MSRA: variants seen among roughly 807,000 people sequenced by gnomAD.
MSRA encodes the protein mitochondrial peptide methionine sulfoxide reductase.
In MSRA, 54 loss-of-function variants were observed where a neutral mutation model predicts 31.3. That is an observed-to-expected ratio of 1.73 (90% CI 1.39 to 2.17). The LOEUF (loss-of-function observed/expected upper bound fraction) is 2.17, where lower values mean the gene tolerates loss of function less well. MSRA is among the 30% of genes most tolerant of loss of function. MSRA has a pLI of 0.00. For synonymous variants in MSRA, 169 were observed against 116.5 expected (o/e 1.45, Z -2.90); for missense variants, 507 against 300.9 (o/e 1.69, Z -5.07).
chr8:10,369,362 C>A (rs955488946), intron 5 of MSRA, among the ~76,000 whole-genome samples: 3 of 152,074 alleles, frequency 2.0e-5, no homozygotes, highest in Non-Finnish European at 4.4e-5. Flanking sequence ...ACTACTGCCC[C>A]CCTAATGGTT....
intron 1 of MSRA, among the ~76,000 whole-genome samples, chr8:10,101,525 T>C (rs1799528455): frequency 6.6e-6 from 1 of 152,158 alleles, no homozygotes; most frequent in Non-Finnish European, 1.5e-5. Flanking sequence ...ACAATAACTT[T>C]CTATTCTTCC....
chr8:10,323,381 C>G (rs1294250486), intron 5 of MSRA, among the ~76,000 whole-genome samples: 1 of 152,104 alleles, frequency 6.6e-6, no homozygotes, highest in African/African-American at 2.4e-5. Flanking sequence ...TAATACCAAG[C>G]GACTCTGGAA....
At chr8:10,188,420 T>G (rs1418125165) in intron 1 of MSRA, among the ~76,000 whole-genome samples, 1 of 152,188 alleles carries the variant, frequency 6.6e-6, no homozygotes, top group African/African-American at 2.4e-5. Context: ...GATGTCAAAA[T>G]AGCAACAAAA....
intron 1 of MSRA, among the ~76,000 whole-genome samples, chr8:10,124,250 G>T (rs1801334148): frequency 6.6e-6 from 1 of 152,232 alleles, no homozygotes; most frequent in South Asian, 2.1e-4. Context: ...CAAAGCCATT[G>T]ATAAATATGG....
intron 1 of MSRA, among the ~76,000 whole-genome samples, chr8:10,136,829 T>A (rs1423305388): frequency 6.6e-6 from 1 of 152,142 alleles, no homozygotes. Flanking sequence ...TCCTTCCCCA[T>A]TCTTGGTGTG....
At chr8:10,179,913 A>T (rs1806387886) in intron 1 of MSRA, among the ~76,000 whole-genome samples, 1 of 152,198 alleles carries the variant, frequency 6.6e-6, no homozygotes, top group Admixed American at 6.5e-5. Context: ...TAAGTGGGAA[A>T]ACTGTTTCCT....
chr8:10,207,681 A>G, intron 1 of MSRA, 152 bp from the exon 2 acceptor site: 1 of 624,872 alleles, frequency 1.6e-6, no homozygotes, highest in Non-Finnish European at 2.6e-6. Context: ...ATGGAGATGA[A>G]AAACAAAATA....
At chr8:10,198,020 G>A (rs746301446) in intron 1 of MSRA, among the ~76,000 whole-genome samples, 1 of 152,200 alleles carries the variant, frequency 6.6e-6, no homozygotes, top group Non-Finnish European at 1.5e-5. Flanking sequence ...AAAGAAAACA[G>A]AGGAGTGGGA....
chr8:10,392,894 A>AG (rs1228673001), intron 5 of MSRA, among the ~76,000 whole-genome samples: 3 of 75,150 alleles, frequency 4.0e-5, no homozygotes, highest in Non-Finnish European at 1.1e-4. Context: ...AAAATGCAAA[A>AG]AAAAAAAAAA....
intron 5 of MSRA, among the ~76,000 whole-genome samples, chr8:10,427,011 C>T (rs930532988): frequency 1.1e-5 from 1 of 88,866 alleles, no homozygotes; most frequent in African/African-American, 4.3e-5. Context: ...AACAGAGATG[C>T]AGGAAATAAG....
chr8:10,174,933 A>C (rs971144360), intron 1 of MSRA, among the ~76,000 whole-genome samples: 5 of 152,088 alleles, frequency 3.3e-5, no homozygotes, highest in Admixed American at 2.6e-4. Flanking sequence ...GCTTCCCTTC[A>C]CAGCCTTGCC....
chr8:10,272,707 A>G (rs997592954), intron 3 of MSRA, among the ~76,000 whole-genome samples: 3 of 152,328 alleles, frequency 2.0e-5, no homozygotes, highest in South Asian at 2.1e-4. Flanking sequence ...TCTACAGGAA[A>G]GCGTCCAAAT....
intron 3 of MSRA, among the ~76,000 whole-genome samples, chr8:10,265,923 C>T (rs1031654380): frequency 6.6e-5 from 10 of 152,184 alleles, no homozygotes; most frequent in Admixed American, 3.9e-4. Context: ...TCCATGTTCT[C>T]GGATCAGCAG....
intron 1 of MSRA, among the ~76,000 whole-genome samples, chr8:10,100,736 A>T (rs1406501666): frequency 6.6e-6 from 1 of 152,078 alleles, no homozygotes; most frequent in Non-Finnish European, 1.5e-5. Flanking sequence ...AGGTTATTTT[A>T]TTTCTCCAAA....
At chr8:10,097,449 T>A (rs773571671) in intron 1 of MSRA, among the ~76,000 whole-genome samples, 2 of 152,172 alleles carry the variant, frequency 1.3e-5, no homozygotes, top group South Asian at 2.1e-4. Flanking sequence ...TTGAATTGAT[T>A]ACAGGATCAT....
At chr8:10,267,345 A>G (rs1798798730) in intron 3 of MSRA, among the ~76,000 whole-genome samples, 1 of 152,312 alleles carries the variant, frequency 6.6e-6, no homozygotes, top group Non-Finnish European at 1.5e-5. Flanking sequence ...GGGAGGCTGC[A>G]GTGGCTGGGG....
At chr8:10,409,974 C>G (rs943329591) in intron 5 of MSRA, among the ~76,000 whole-genome samples, 1 of 152,174 alleles carries the variant, frequency 6.6e-6, no homozygotes, top group Non-Finnish European at 1.5e-5. Flanking sequence ...GCAGGAGGAT[C>G]GCTGGAGCCC....
chr8:10,277,268 G>T (rs1245370514), intron 3 of MSRA, among the ~76,000 whole-genome samples: 1 of 152,098 alleles, frequency 6.6e-6, no homozygotes, highest in Non-Finnish European at 1.5e-5. Flanking sequence ...ACATGTCCAG[G>T]TATTTTTCTG....
At chr8:10,223,434 G>A (rs10503403) in intron 2 of MSRA, among the ~76,000 whole-genome samples, 23,859 of 152,126 alleles carry the variant, frequency 0.16, 2,104 homozygotes, top group East Asian at 0.29. Context: ...CAGCATTTGC[G>A]TCTATCTCTT....
Sources: gnomAD v4.1 joint callset for allele counts (sites outside exome capture counted in the v4.1 genomes callset) on GRCh38, gnomAD v4.1.1 for gene constraint, MANE v1.5 for transcripts, NCBI Gene and HGNC (gene_info 2026-07-23, HGNC 2026-07-21) for gene names.